The following KIF6 variants were observed in gnomAD, a reference collection of about 807,000 sequenced individuals.
KIF6 encodes kinesin family member 6.
A neutral mutation model predicts 112.7 loss-of-function variants in KIF6; 106 were observed. The ratio of observed to expected loss-of-function variants is 0.94; its 90% CI spans 0.80 to 1.11. The LOEUF is 1.11. Among genes scored for constraint, KIF6 ranks in the 50% least tolerant of loss-of-function variants. The pLI is 0.00. For synonymous variants in KIF6, 339 were observed against 339.9 expected (o/e 1.00, Z 0.03); for missense variants, 929 against 964.0 (o/e 0.96, Z 0.48).
intron 10 of KIF6, among the ~76,000 whole-genome samples, chr6:39,576,821 A>G (rs1309899350): frequency 2.0e-5 from 3 of 152,216 alleles, no homozygotes; most frequent in Non-Finnish European, 2.9e-5. Flanking sequence ...GTCTCCTGGC[A>G]GTCAATTTCC....
At chr6:39,482,611 C>T (rs79048917) in intron 13 of KIF6, among the ~76,000 whole-genome samples, 2,011 of 152,312 alleles carry the variant, frequency 0.013, 51 homozygotes, top group African/African-American at 0.045. Flanking sequence ...ATCTGATATT[C>T]ATTTACTAGT....
At chr6:39,604,949 G>C (rs902069056) in intron 6 of KIF6, among the ~76,000 whole-genome samples, 3 of 152,054 alleles carry the variant, frequency 2.0e-5, no homozygotes, top group African/African-American at 7.2e-5. Flanking sequence ...TTCCCTAAGG[G>C]TCATTTCTCC....
intron 15 of KIF6, among the ~76,000 whole-genome samples, chr6:39,397,439 G>C (rs1373362219): frequency 1.3e-5 from 2 of 152,106 alleles, no homozygotes; most frequent in African/African-American, 4.8e-5. Flanking sequence ...TTTTCAAAGA[G>C]GAAAGAGGAA....
intron 3 of KIF6, among the ~76,000 whole-genome samples, chr6:39,673,393 A>G (rs980258769): frequency 6.6e-6 from 1 of 152,172 alleles, no homozygotes; most frequent in Non-Finnish European, 1.5e-5. Context: ...CACAATTATA[A>G]TCTCCCATTA....
At chr6:39,584,721 A>G (rs1447603041) in intron 9 of KIF6, among the ~76,000 whole-genome samples, 177 bp downstream of exon 9, 3 of 152,176 alleles carry the variant, frequency 2.0e-5, no homozygotes, top group Non-Finnish European at 4.4e-5. Context: ...CAGTTTTGTC[A>G]TCTTTAAGGT....
chr6:39,605,575 T>C (rs374692190), intron 6 of KIF6, among the ~76,000 whole-genome samples: 22 of 152,126 alleles, frequency 1.4e-4, no homozygotes, highest in African/African-American at 4.8e-4. Context: ...AGATATCCAT[T>C]TGTATCATTT....
chr6:39,571,567 G>A (rs988857046), intron 10 of KIF6, among the ~76,000 whole-genome samples: 2 of 151,978 alleles, frequency 1.3e-5, no homozygotes, highest in Non-Finnish European at 2.9e-5. Context: ...CATATTTCCC[G>A]CACCTAAAAC....
intron 3 of KIF6, among the ~76,000 whole-genome samples, chr6:39,693,464 C>T (rs1788342158): frequency 6.6e-6 from 1 of 152,150 alleles, no homozygotes; most frequent in Non-Finnish European, 1.5e-5. Flanking sequence ...TAAGTTATGG[C>T]TAATGAGCTC....
In KIF6 at chr6:39,539,983, T is replaced by C. The variant is rs750260430; in HGVS notation, c.1645+20A>G. 3 of 1,562,066 alleles carry C rather than the reference T, an allele frequency of 1.9e-6. No individual in the cohort carries two copies. The highest frequency in any genetic ancestry group is 1.7e-6 in the Non-Finnish European group (2 of 1,150,272). On this transcript the variant is annotated intron_variant, in intron 13 of 22. Transcript: ENST00000287152. ...ATCCATTACAGACAATGAGAAATAC[T>C]GGAAATTTAGTCAACTGACCTATTT...
intron 18 of KIF6, 152 bp downstream of exon 18, chr6:39,360,243 A>G (rs1765024050): frequency 1.3e-6 from 1 of 770,504 alleles, no homozygotes; most frequent in Non-Finnish European, 2.0e-6. Flanking sequence ...CCCTTTTGTC[A>G]TCCTTGTTAC....
At chr6:39,544,488 A>C in intron 12 of KIF6, 67 bp downstream of exon 12, 4 of 1,515,882 alleles carry the variant, frequency 2.6e-6, no homozygotes, top group Non-Finnish European at 3.5e-6. Context: ...GTGGCTCAGG[A>C]AAGACTGCTG....
At chr6:39,666,599 G>A (rs1561911520) in intron 3 of KIF6, among the ~76,000 whole-genome samples, 1 of 152,190 alleles carries the variant, frequency 6.6e-6, no homozygotes, top group African/African-American at 2.4e-5. Context: ...AGTGTGTTCT[G>A]TAACACTGGA....
chr6:39,429,711 A>G (rs1446314160), intron 14 of KIF6, among the ~76,000 whole-genome samples: 16 of 152,182 alleles, frequency 1.1e-4, no homozygotes, highest in Admixed American at 7.9e-4. Context: ...AGATGAGACC[A>G]TCGTGGCTAA....
At chr6:39,643,918 C>T (rs895573822) in intron 3 of KIF6, among the ~76,000 whole-genome samples, 9 of 152,104 alleles carry the variant, frequency 5.9e-5, no homozygotes, top group Admixed American at 6.6e-5. Flanking sequence ...TCATATCTAT[C>T]TGGCAAGGGA....
At position 39,343,081 on chromosome 6, in the gene KIF6, A is replaced by C; in HGVS notation, c.2428+628T>G. On this transcript the variant is annotated intron_variant, in intron 22 of 22. Coordinates refer to ENST00000287152, the MANE Select transcript of KIF6 (RefSeq NM_145027.6). The surrounding 1 kb of genome is among the most constrained non-coding windows in gnomAD (Gnocchi z 4.1). ...GCCCTGTGGGTGTGTTGGGGATGGAAGGCAGAAAGAGAAAAGGCCCAGCCA... is the reference window on the plus strand; with the variant it reads ...GCCCTGTGGGTGTGTTGGGGATGGACGGCAGAAAGAGAAAAGGCCCAGCCA... 1.0e-6 allele frequency: 1 copy of C among 985,368 alleles called. No homozygotes were observed. Among genetic ancestry groups the C allele is most frequent in the Non-Finnish European group, 1.2e-6 (1 of 829,922 alleles). 61.0% of individuals were successfully genotyped at this position (985,368 alleles called of 1,614,324 possible). A position where few individuals can be genotyped will look rare whatever the true frequency, so the allele number is the denominator to read the frequency against.
At chr6:39,599,164 A>G (rs1002498268) in intron 6 of KIF6, among the ~76,000 whole-genome samples, 1 of 152,258 alleles carries the variant, frequency 6.6e-6, no homozygotes, top group Non-Finnish European at 1.5e-5. Flanking sequence ...GGAACAAGAA[A>G]GAAATTAATC....
chr6:39,424,598 G>A (rs1770629455), intron 14 of KIF6, among the ~76,000 whole-genome samples: 4 of 152,338 alleles, frequency 2.6e-5, no homozygotes, highest in Non-Finnish European at 5.9e-5. Flanking sequence ...AGGACCAAAT[G>A]CCTACCTCAC....
At chr6:39,483,994 C>T (rs1319534474) in intron 13 of KIF6, among the ~76,000 whole-genome samples, 2 of 152,184 alleles carry the variant, frequency 1.3e-5, no homozygotes, top group Non-Finnish European at 2.9e-5. Context: ...AGGCTATATA[C>T]ACATGTAAAC....
At chr6:39,502,076 G>C (rs1252803772) in intron 13 of KIF6, among the ~76,000 whole-genome samples, 2 of 151,976 alleles carry the variant, frequency 1.3e-5, no homozygotes, top group Admixed American at 6.6e-5. Flanking sequence ...AAATGTTAAG[G>C]GCAGCCAGAT....
Sources: gnomAD v4.1 joint callset for allele counts (sites outside exome capture counted in the v4.1 genomes callset) on GRCh38, gnomAD v4.1.1 for gene constraint, Gnocchi (gnomAD v3.1) non-coding constraint, MANE v1.5 for transcripts, NCBI Gene and HGNC (gene_info 2026-07-23, HGNC 2026-07-21) for gene names.